TTC3: variants seen among roughly 807,000 people sequenced by gnomAD.
The protein encoded by TTC3 is E3 ubiquitin-protein ligase TTC3.
TTC3 carries 180 observed loss-of-function variants against 249.6 expected under a neutral mutation model. The observed-to-expected ratio is 0.72, with a 90% CI of 0.64 to 0.82. The LOEUF is 0.82. Among genes scored for constraint, TTC3 ranks in the 40% least tolerant of loss-of-function variants. TTC3 has a pLI of 0.00. For missense variants in TTC3, 2,061 were observed against 2,398.4 expected, an observed-to-expected ratio of 0.86 and a Z score of 2.94; for synonymous variants, 717 against 805.0, an observed-to-expected ratio of 0.89 and a Z score of 1.85.
intron 1 of TTC3, among the ~76,000 whole-genome samples, chr21:37,076,846 C>T (rs1022901277): frequency 2.6e-5 from 4 of 151,716 alleles, no homozygotes; most frequent in Admixed American, 6.6e-5. Flanking sequence ...GGATTACAGG[C>T]GCGCACCACC....
At chr21:37,189,268 CA>C (rs2083692652) in intron 39 of TTC3, among the ~76,000 whole-genome samples, 1 of 152,134 alleles carries the variant, frequency 6.6e-6, no homozygotes, top group Non-Finnish European at 1.5e-5. Flanking sequence ...TTTTTTGCGA[CA>C]GAGTCTCGCT....
intron 16 of TTC3, 78 bp downstream of exon 16, chr21:37,129,141 G>A (rs1038113858): frequency 2.2e-5 from 21 of 967,412 alleles, no homozygotes; most frequent in African/African-American, 1.0e-4. Context: ...ATTGTTTTTC[G>A]AGTATTAGCT....
chr21:37,156,820 C>T (rs199971560), exon 28 of TTC3: 1 of 1,613,990 alleles, frequency 6.2e-7, no homozygotes, highest in Non-Finnish European at 8.5e-7. Context: ...TTGAAGGAAG[C>T]CCGTTGTTTA....
At chr21:37,186,521 A>C (rs544568929) in intron 37 of TTC3, among the ~76,000 whole-genome samples, 85 of 152,278 alleles carry the variant, frequency 5.6e-4, no homozygotes, top group Non-Finnish European at 9.6e-4. Context: ...TGCTCACTGC[A>C]GACACCATCT....
chr21:37,087,234 G>A lies in TTC3; in HGVS notation c.-11-13G>A, dbSNP rs1439636944. On this transcript the variant is annotated splice_polypyrimidine_tract_variant and intron_variant, in intron 1 of 45. Coordinates refer to ENST00000355666, the Ensembl canonical transcript of TTC3. ...GATTTAATTACTGACTTGAGTTTGTGTTGTCTCCTTAGACTTGTGCACCAT... is the reference window on the plus strand; with the variant it reads ...GATTTAATTACTGACTTGAGTTTGTATTGTCTCCTTAGACTTGTGCACCAT... 1.9e-6 allele frequency: 3 copies of A among 1,610,636 alleles called. No homozygotes were observed. Among genetic ancestry groups the A allele is most frequent in the Non-Finnish European group, 2.5e-6 (3 of 1,179,004 alleles).
At chr21:37,138,776 A>AT in intron 19 of TTC3, 62 bp downstream of exon 19, 1 of 1,201,244 alleles carries the variant, frequency 8.3e-7, no homozygotes, top group African/African-American at 1.5e-5. Flanking sequence ...TATAAAAATT[A>AT]TTTTCTCATT....
At chr21:37,136,217 G>T (rs1390177266) in intron 18 of TTC3, among the ~76,000 whole-genome samples, 1 of 151,990 alleles carries the variant, frequency 6.6e-6, no homozygotes, top group Non-Finnish European at 1.5e-5. Context: ...CCCTACAATG[G>T]CCTCTAAGTA....
At position 37,197,872 on chromosome 21, in the gene TTC3, A is replaced by G; in HGVS notation, c.5707-10A>G. On this transcript the variant is annotated splice_polypyrimidine_tract_variant and intron_variant, in intron 43 of 45. Coordinates refer to ENST00000355666, the Ensembl canonical transcript of TTC3. The stretch of plus-strand genomic sequence containing the variant: ...TTGTCCCCTCCCCGCCACCCCTGTT[A>G]TTTTCGCAGCCAAACCCAGGAAAGG... The G allele has an allele frequency of 6.2e-7, 1 of 1,609,430 alleles. No individual in the cohort carries two copies. Among genetic ancestry groups the G allele is most frequent in the African/African-American group, 1.3e-5 (1 of 74,430 alleles).
At chr21:37,146,603 AG>A (rs1224760435) in intron 21 of TTC3, among the ~76,000 whole-genome samples, 1 of 152,194 alleles carries the variant, frequency 6.6e-6, no homozygotes, top group Non-Finnish European at 1.5e-5. Flanking sequence ...CCAAACACAA[AG>A]GGCTTGTGTG....
intron 35 of TTC3, among the ~76,000 whole-genome samples, chr21:37,176,676 G>T (rs1221873544): frequency 6.6e-6 from 1 of 152,118 alleles, no homozygotes; most frequent in Non-Finnish European, 1.5e-5. Flanking sequence ...GTTTTTACAT[G>T]TATTTAATCT....
intron 10 of TTC3, among the ~76,000 whole-genome samples, chr21:37,104,454 G>A (rs1291815388): frequency 6.6e-6 from 1 of 152,106 alleles, no homozygotes; most frequent in Non-Finnish European, 1.5e-5. Flanking sequence ...GCTGGGCGTG[G>A]TGGTAGGTGC....
chr21:37,193,034 G>A (rs1461702055), intron 41 of TTC3, among the ~76,000 whole-genome samples: 1 of 152,178 alleles, frequency 6.6e-6, no homozygotes, highest in African/African-American at 2.4e-5. Context: ...AATTAAAGGA[G>A]GACTGTGTGT....
intron 1 of TTC3, among the ~76,000 whole-genome samples, chr21:37,079,395 C>G (rs1033091475): frequency 6.6e-6 from 1 of 151,214 alleles, no homozygotes; most frequent in South Asian, 2.1e-4. Flanking sequence ...CTAATGTTTT[C>G]TTCTTGGAGG....
At chr21:37,191,763 G>T (rs2084149571) in intron 40 of TTC3, among the ~76,000 whole-genome samples, 2 of 152,134 alleles carry the variant, frequency 1.3e-5, no homozygotes, top group Admixed American at 1.3e-4. Context: ...TTTGGTTTTG[G>T]TTTTTAGTAG....
chr21:37,202,401 T>C (rs1014359453), exon 46 of TTC3: 9 of 152,224 alleles, frequency 5.9e-5, no homozygotes, highest in African/African-American at 2.2e-4. Flanking sequence ...TCCTCTTCTG[T>C]GAGTCAGTCA....
intron 10 of TTC3, among the ~76,000 whole-genome samples, chr21:37,103,513 C>T (rs1316550767): frequency 6.6e-6 from 1 of 152,032 alleles, no homozygotes; most frequent in Non-Finnish European, 1.5e-5. Flanking sequence ...GCCCACTTTG[C>T]CTTAGTTGTA....
At chr21:37,093,528 G>A (rs915493390) in intron 7 of TTC3, 1 of 152,168 alleles carries the variant, frequency 6.6e-6, no homozygotes, top group Non-Finnish European at 1.5e-5. Flanking sequence ...TTTTGAATAA[G>A]AGATACTCAA....
chr21:37,138,675 T>C (rs2078173540), exon 19 of TTC3: 1 of 1,612,800 alleles, frequency 6.2e-7, no homozygotes, highest in Non-Finnish European at 8.5e-7. Flanking sequence ...TGGTCGTCTA[T>C]GGACTTGCCA....
intron 28 of TTC3, chr21:37,159,479 T>A (rs2080469776): frequency 1.8e-6 from 1 of 544,850 alleles, no homozygotes; most frequent in Admixed American, 3.5e-5. Flanking sequence ...CACTCAACAT[T>A]ATGCTGAATC....
Sources: gnomAD v4.1 joint callset for allele counts (sites outside exome capture counted in the v4.1 genomes callset) on GRCh38, gnomAD v4.1.1 for gene constraint, MANE v1.5 for transcripts, NCBI Gene and HGNC (gene_info 2026-07-23, HGNC 2026-07-21) for gene names.